NETO1: variants seen among roughly 807,000 people sequenced by gnomAD.
The protein encoded by NETO1 is neuropilin and tolloid-like protein 1.
Under a neutral mutation model 61.3 loss-of-function variants are expected in NETO1, and 26 were observed. The observed-to-expected ratio is 0.42, with a 90% CI of 0.31 to 0.59. NETO1 has a LOEUF of 0.59. Ranked by LOEUF, NETO1 falls within the 20% of genes least tolerant of loss-of-function variation. The pLI is 0.12. For synonymous variants in NETO1, 225 were observed against 225.8 expected (o/e 1.00, Z 0.03); for missense variants, 531 against 662.8 (o/e 0.80, Z 2.18).
At chr18:72,762,997 T>C (rs1348983361) in intron 7 of NETO1, among the ~76,000 whole-genome samples, 1 of 152,226 alleles carries the variant, frequency 6.6e-6, no homozygotes, top group Non-Finnish European at 1.5e-5. Flanking sequence ...GTGAAAGGTC[T>C]AGTTATAGAT....
intron 4 of NETO1, among the ~76,000 whole-genome samples, chr18:72,838,854 G>T (rs552905272): frequency 6.6e-6 from 1 of 152,134 alleles, no homozygotes; most frequent in East Asian, 1.9e-4. Flanking sequence ...AGAATTTTAG[G>T]AAGTTTTTTT....
intron 4 of NETO1, among the ~76,000 whole-genome samples, chr18:72,833,312 T>C (rs2073639940): frequency 6.6e-6 from 1 of 152,184 alleles, no homozygotes; most frequent in Non-Finnish European, 1.5e-5. Context: ...AGATCTGTAC[T>C]TGAATGCTAA....
rs996712193 is a variant in NETO1 at position 72,830,819 on chromosome 18, C to T, written c.469+28007G>A. Among the ~76,000 whole-genome samples the T allele has an allele frequency of 2.2e-4, 34 of 152,162 alleles. No homozygotes were observed. The highest frequency in any genetic ancestry group is 1.1e-3 in the Admixed American group (17 of 15,280). On this transcript the variant is annotated intron_variant, in intron 4 of 10. Transcript: ENST00000327305. The surrounding 1 kb of genome is among the most constrained non-coding windows in gnomAD (Gnocchi z 4.9). Reference sequence around the variant, plus strand: ...AGATTCCTTTCACAGAAAAGGTTTCCGAAAGATTATGCTACACTTATGGGT... The same window carrying T: ...AGATTCCTTTCACAGAAAAGGTTTCTGAAAGATTATGCTACACTTATGGGT...
At chr18:72,799,828 C>G (rs2072447403) in intron 4 of NETO1, among the ~76,000 whole-genome samples, 1 of 152,222 alleles carries the variant, frequency 6.6e-6, no homozygotes, top group Non-Finnish European at 1.5e-5. Context: ...TTCTTGTAGA[C>G]AAATAGTCTC....
rs529183493 is a variant in NETO1, at chr18:72,836,920, GT to G, written c.469+21905del. The stretch of plus-strand genomic sequence containing the variant: ...TGAGATACTGGGTACAAAAACAAAT[GT>G]AATGCCTGTAGGAATGGAGAAAAGG... On this transcript the variant is annotated intron_variant, in intron 4 of 10. Coordinates refer to ENST00000327305, the MANE Select transcript of NETO1 (RefSeq NM_138966.5). Among the ~76,000 whole-genome samples, 184 of 152,274 alleles carry G rather than the reference GT, an allele frequency of 1.2e-3. 1 individual carries two copies. Among genetic ancestry groups the G allele is most frequent in the African/African-American group, 4.4e-3 (181 of 41,566 alleles).
rs567602856 is a variant in NETO1, at chr18:72,782,291, C to G, written c.868+1387G>C. On this transcript the variant is annotated intron_variant, in intron 7 of 10. Transcript: ENST00000327305. ...TGATTCCATGCCTTTACTATGGGAA[C>G]AGTTTGGGGACAGTGCTGTGATGAA... 9.9e-5 allele frequency among the ~76,000 whole-genome samples: 15 copies of G among 152,178 alleles called. No homozygotes were observed. The South Asian group carries it at 2.3e-3, about 23-fold the overall frequency.
At chr18:72,831,179 G>C (rs1453317820) in intron 4 of NETO1, among the ~76,000 whole-genome samples, 1 of 152,104 alleles carries the variant, frequency 6.6e-6, no homozygotes, top group African/African-American at 2.4e-5. Flanking sequence ...ATATTTCTTA[G>C]CTGAGCAATA....
In NETO1 at chr18:72,746,700, C is replaced by T. The variant is rs185369091; in HGVS notation, c.*1479G>A. On this transcript the variant is annotated 3_prime_UTR_variant, in exon 11 of 11. Coordinates refer to ENST00000327305, the MANE Select transcript of NETO1 (RefSeq NM_138966.5). Reference sequence around the variant, plus strand: ...CCAAATTTTAGTAGACCAGACTGCTCTGTTAGTGGAAGGACAGAGTTCTTT... The same window carrying T: ...CCAAATTTTAGTAGACCAGACTGCTTTGTTAGTGGAAGGACAGAGTTCTTT... 6.6e-6 allele frequency among the ~76,000 whole-genome samples: 1 copy of T among 151,740 alleles called. No homozygotes were observed. Among genetic ancestry groups the T allele is most frequent in the Non-Finnish European group, 1.5e-5 (1 of 67,908 alleles).
chr18:72,853,001 T>G (rs2145592467), intron 4 of NETO1, among the ~76,000 whole-genome samples: 1 of 151,572 alleles, frequency 6.6e-6, no homozygotes, highest in East Asian at 2.0e-4. Context: ...CCCGACTAAT[T>G]TTTTTGTATT....
chr18:72,742,627 T>C (rs1031927174), downstream of NETO1: 4 of 152,206 alleles, frequency 2.6e-5, no homozygotes, highest in Admixed American at 2.6e-4. Context: ...GTACGTACTA[T>C]GTTGAATATT....
chr18:72,828,437 G>A (rs2073460356), intron 4 of NETO1, among the ~76,000 whole-genome samples: 1 of 151,996 alleles, frequency 6.6e-6, no homozygotes, highest in Non-Finnish European at 1.5e-5. Flanking sequence ...TACTACTGTA[G>A]ATATACATGC....
intron 6 of NETO1, among the ~76,000 whole-genome samples, chr18:72,792,601 T>G (rs980850032): frequency 6.6e-6 from 1 of 151,598 alleles, no homozygotes; most frequent in African/African-American, 2.4e-5. Context: ...GACCTTCTGC[T>G]TGCAGTGTTG....
intron 4 of NETO1, among the ~76,000 whole-genome samples, chr18:72,809,445 T>C (rs1276015154): frequency 1.3e-5 from 2 of 152,170 alleles, no homozygotes; most frequent in African/African-American, 4.8e-5. Flanking sequence ...TCTAAGAGAC[T>C]GGGGTAAAAA....
chr18:72,742,657 T>C (rs956379445), downstream of NETO1: 1 of 152,174 alleles, frequency 6.6e-6, no homozygotes, highest in Non-Finnish European at 1.5e-5. Flanking sequence ...ATATTACACA[T>C]TGGTGAAGAG....
intron 6 of NETO1, among the ~76,000 whole-genome samples, chr18:72,789,914 A>G (rs1241498270): frequency 6.6e-6 from 1 of 152,222 alleles, no homozygotes; most frequent in African/African-American, 2.4e-5. Context: ...TTAATCACAT[A>G]GGCACATTTA....
At chr18:72,772,821 CTCTCTATATATA>C (rs1430621798) in intron 7 of NETO1, among the ~76,000 whole-genome samples, 25 of 50,660 alleles carry the variant, frequency 4.9e-4, no homozygotes, top group Admixed American at 1.2e-3. Flanking sequence ...CTCTCTCTCT[CTCTCTATATATA>C]TATATATATA....
At chr18:72,788,438 A>G (rs764110305) in intron 6 of NETO1, among the ~76,000 whole-genome samples, 24 of 152,120 alleles carry the variant, frequency 1.6e-4, no homozygotes, top group Admixed American at 6.6e-4. Flanking sequence ...GTCATGTAAA[A>G]TCTCTCTATA....
intron 10 of NETO1, chr18:72,748,424 C>T: frequency 1.2e-5 from 4 of 347,290 alleles, no homozygotes; most frequent in Non-Finnish European, 1.6e-5. Context: ...ACGTAGACAA[C>T]TGGGATTAAT....
chr18:72,756,413 AT>A (rs1434212528), intron 7 of NETO1, among the ~76,000 whole-genome samples: 3 of 152,234 alleles, frequency 2.0e-5, no homozygotes, highest in South Asian at 4.1e-4. Context: ...CATTATCCAC[AT>A]TTTTTTAAGT....
Sources: gnomAD v4.1 joint callset for allele counts (sites outside exome capture counted in the v4.1 genomes callset) on GRCh38, gnomAD v4.1.1 for gene constraint, Gnocchi (gnomAD v3.1) non-coding constraint, MANE v1.5 for transcripts, NCBI Gene and HGNC (gene_info 2026-07-23, HGNC 2026-07-21) for gene names.